SS18L1: variants seen among roughly 807,000 people sequenced by gnomAD.
SS18L1 encodes the protein calcium-responsive transactivator.
Under a neutral mutation model 70.3 loss-of-function variants are expected in SS18L1, and 32 were observed. The ratio of observed to expected loss-of-function variants is 0.46; its 90% CI spans 0.34 to 0.61. The LOEUF (loss-of-function observed/expected upper bound fraction) is 0.61, where lower values mean the gene tolerates loss of function less well. Ranked by LOEUF, SS18L1 falls within the 20% of genes least tolerant of loss-of-function variation. The pLI is 0.01. For missense variants in SS18L1, 430 were observed against 542.1 expected (o/e 0.79, Z 2.05); for synonymous variants, 237 against 229.7 (o/e 1.03, Z -0.29).
rs367981378 is a variant in SS18L1, at chr20:62,159,828, G to A, written c.147-49G>A. ...TACTTCTGCCTTGGATCCACGTGGG[G>A]ACTCTGTGGTCCCGTCGTCCTGCCT... On this transcript the variant is annotated intron_variant, in intron 2 of 10. Coordinates refer to ENST00000331758, the MANE Select transcript of SS18L1 (RefSeq NM_198935.3). The surrounding 1 kb of genome is among the most constrained non-coding windows in gnomAD (Gnocchi z 4.4). 2.9e-4 allele frequency: 465 copies of A among 1,577,888 alleles called. 1 individual carries two copies. The highest frequency in any genetic ancestry group is 3.9e-4 in the Non-Finnish European group (447 of 1,156,084).
In SS18L1 at chr20:62,179,748, G is replaced by A. The variant is rs1488813934; in HGVS notation, c.*540G>A. On this transcript the variant is annotated 3_prime_UTR_variant, in exon 11 of 11. Transcript: ENST00000331758. ...TGGGAGGGCATCTTCTGTGCGTTGG[G>A]TCAGTTTCTGTTACGTAACGAAAAG... 4.3e-6 allele frequency: 1 copy of A among 232,108 alleles called. No individual in the cohort carries two copies. Among genetic ancestry groups the A allele is most frequent in the Non-Finnish European group, 8.5e-6 (1 of 117,534 alleles). 14.4% of individuals were successfully genotyped at this position (232,108 alleles called of 1,614,324 possible). A position where few individuals can be genotyped will look rare whatever the true frequency, so the allele number is the denominator to read the frequency against.
At chr20:62,176,952 G>T (rs1341652058) in intron 10 of SS18L1, among the ~76,000 whole-genome samples, 2 of 152,224 alleles carry the variant, frequency 1.3e-5, no homozygotes, top group African/African-American at 2.4e-5. Flanking sequence ...TGCCGGCGCT[G>T]GGCGTCTCCT....
Position 62,180,468 on chromosome 20 carries a change from C to T in SS18L1, c.*1260C>T, listed in dbSNP as rs916303742. 5.5e-6 allele frequency: 1 copy of T among 183,016 alleles called. No homozygotes were observed. Among genetic ancestry groups the T allele is most frequent in the African/African-American group, 2.4e-5 (1 of 42,546 alleles). 11.3% of individuals were successfully genotyped at this position (183,016 alleles called of 1,614,324 possible). On this transcript the variant is annotated 3_prime_UTR_variant, in exon 11 of 11. Transcript: ENST00000331758. ...AATAATATTCATATTTGCTATGAAT[C>T]CTTTTAAAAAAATCTTTGGATAAAT...
chr20:62,150,633 A>AATTTTTTTTTTTTTTTTT, intron 1 of SS18L1, among the ~76,000 whole-genome samples: 1 of 58,030 alleles, frequency 1.7e-5, no homozygotes, highest in Non-Finnish European at 3.5e-5. Flanking sequence ...ATTGAGGTGG[A>AATTTTTTTTTTTTTTTTT]TTTTTTTTTT....
intron 5 of SS18L1, 82 bp downstream of exon 5, chr20:62,163,013 C>T: frequency 6.6e-7 from 1 of 1,526,094 alleles, no homozygotes; most frequent in Non-Finnish European, 8.9e-7. Flanking sequence ...ACATGTGGTC[C>T]CGGGGAAGCT....
intron 4 of SS18L1, 86 bp from the exon 5 acceptor site, chr20:62,162,666 T>C: frequency 7.0e-7 from 1 of 1,429,272 alleles, no homozygotes; most frequent in Non-Finnish European, 9.4e-7. Context: ...CCAAAGTCAC[T>C]TGAAGGGAAA....
intron 1 of SS18L1, among the ~76,000 whole-genome samples, chr20:62,144,891 T>C (rs2056995868): frequency 6.6e-6 from 1 of 152,192 alleles, no homozygotes; most frequent in African/African-American, 2.4e-5. Context: ...GGATAAACAG[T>C]GGTATTCCTA....
intron 1 of SS18L1, among the ~76,000 whole-genome samples, chr20:62,154,849 G>A (rs996727470): frequency 2.3e-4 from 35 of 152,230 alleles, no homozygotes; most frequent in Admixed American, 1.8e-3. Context: ...GGAGGGCCGC[G>A]CTGGCCCACT....
intron 8 of SS18L1, among the ~76,000 whole-genome samples, chr20:62,167,119 C>T (rs1390546513): frequency 7.3e-6 from 1 of 137,520 alleles, no homozygotes; most frequent in East Asian, 2.4e-4. Flanking sequence ...GATCTTGGCT[C>T]ACTGCCACCT....
chr20:62,168,234 T>C (rs2057469988), intron 8 of SS18L1, among the ~76,000 whole-genome samples: 1 of 152,154 alleles, frequency 6.6e-6, no homozygotes, highest in African/African-American at 2.4e-5. Flanking sequence ...ACAGATGGTG[T>C]GGTTTCCTCC....
chr20:62,149,056 C>G (rs1043709496), intron 1 of SS18L1, among the ~76,000 whole-genome samples: 10 of 152,262 alleles, frequency 6.6e-5, no homozygotes, highest in Non-Finnish European at 1.3e-4. Context: ...GGTCTGGGCC[C>G]TGGGCCAGTG....
chr20:62,169,872 G>A (rs939735085), intron 8 of SS18L1, among the ~76,000 whole-genome samples: 16 of 152,056 alleles, frequency 1.1e-4, no homozygotes, highest in Middle Eastern at 3.2e-3. Flanking sequence ...CTGGAGTCCC[G>A]AGCGCGGCTG....
At chr20:62,165,367 G>A (rs1306070109) in intron 7 of SS18L1, 55 bp from the exon 8 acceptor site, 16 of 1,546,480 alleles carry the variant, frequency 1.0e-5, no homozygotes, top group African/African-American at 5.5e-5. Flanking sequence ...TGCCTCCTCC[G>A]GGACCTGTGC....
At chr20:62,152,662 C>T (rs2057155307) in intron 1 of SS18L1, among the ~76,000 whole-genome samples, 1 of 152,172 alleles carries the variant, frequency 6.6e-6, no homozygotes, top group Non-Finnish European at 1.5e-5. Flanking sequence ...CTTCTTTGTT[C>T]AGCTTAGTGT....
intron 8 of SS18L1, among the ~76,000 whole-genome samples, chr20:62,170,437 C>G (rs1365807003): frequency 6.6e-6 from 1 of 152,188 alleles, no homozygotes; most frequent in African/African-American, 2.4e-5. Flanking sequence ...ACCCCGGAGG[C>G]AGAGCTTGCA....
Position 62,148,473 on chromosome 20 carries a change from T to C in SS18L1, c.69+4584T>C, listed in dbSNP as rs554467160. Among the ~76,000 whole-genome samples, 828 of 129,060 alleles carry C rather than the reference T, an allele frequency of 6.4e-3. 50 individuals carry two copies. The highest frequency in any genetic ancestry group is 0.023 in the African/African-American group (778 of 33,520). 84.7% of individuals were successfully genotyped at this position (129,060 alleles called of 152,430 possible). A position where few individuals can be genotyped will look rare whatever the true frequency, so the allele number is the denominator to read the frequency against. ...CTTGCTGTCTTAGGTGAGGGAGGCT[T>C]GGCCTCCTTGCTCTCTTCGGTCAGG... On this transcript the variant is annotated intron_variant, in intron 1 of 10. Transcript: ENST00000331758.
Position 62,179,705 on chromosome 20 carries a change from G to A in SS18L1, c.*497G>A, listed in dbSNP as rs1018792318. 13 of 216,162 alleles carry A rather than the reference G, an allele frequency of 6.0e-5. No individual in the cohort carries two copies. Among genetic ancestry groups the A allele is most frequent in the African/African-American group, 2.8e-4 (12 of 42,582 alleles). 13.4% of individuals were successfully genotyped at this position (216,162 alleles called of 1,614,324 possible). On this transcript the variant is annotated 3_prime_UTR_variant, in exon 11 of 11. Transcript: ENST00000331758. The stretch of plus-strand genomic sequence containing the variant: ...AGCCCCTGGAGGGCAGCCTCTTCCT[G>A]TGCCTCGATGGGGTGGGTGGGAGGG...
rs781428464 is a variant in SS18L1, at chr20:62,161,814, C to T, written c.376+234C>T. On this transcript the variant is annotated intron_variant, in intron 4 of 10. Transcript: ENST00000331758. The surrounding 1 kb of genome is among the most constrained non-coding windows in gnomAD (Gnocchi z 4.4). ...TTGTCCACTCTCTCTGACACTGTCA[C>T]GTTCCATCAAATTCAAATGCAAGTT... Among the ~76,000 whole-genome samples the T allele has an allele frequency of 8.5e-5, 13 of 152,240 alleles. No individual in the cohort carries two copies. The highest frequency in any genetic ancestry group is 1.9e-4 in the East Asian group (1 of 5,188).
rs771509113 is a variant in SS18L1, at chr20:62,162,800, C to G, written c.425C>G (p.Thr142Ser). The G allele has an allele frequency of 5.6e-6, 9 of 1,612,680 alleles. No homozygotes were observed. The highest frequency in any genetic ancestry group is 5.0e-5 in the Admixed American group (3 of 59,968). Residue 142 changes from threonine (T) to serine (S), a missense_variant, in exon 5 of 11, where the codon ACC becomes AGC. By Grantham distance (58) the Thr-to-Ser change is moderately conservative. Coordinates refer to ENST00000331758, the MANE Select transcript of SS18L1 (RefSeq NM_198935.3). Reference protein sequence around the residue: ...MQQTAPNTLPTTSMSISGPGY... With the variant: ...MQQTAPNTLPSTSMSISGPGY... ...CAGACGGCGCCTAACACGCTGCCCA[C>G]CACCTCCATGAGCATCTCTGGGCCC...
Sources: gnomAD v4.1 joint callset for allele counts (sites outside exome capture counted in the v4.1 genomes callset) on GRCh38, gnomAD v4.1.1 for gene constraint, Gnocchi (gnomAD v3.1) non-coding constraint, MANE v1.5 for transcripts, NCBI Gene and HGNC (gene_info 2026-07-23, HGNC 2026-07-21) for gene names.